The following HCRTR1 variants were observed in gnomAD, a reference collection of about 807,000 sequenced individuals.
HCRTR1 encodes orexin/Hypocretin receptor type 1.
HCRTR1 carries 28 observed loss-of-function variants against 40.6 expected under a neutral mutation model. That is an observed-to-expected ratio of 0.69 (90% CI 0.51 to 0.95). The LOEUF is 0.95. HCRTR1 is among the 40% of genes least tolerant of loss of function. HCRTR1 has a pLI of 0.00. For synonymous variants in HCRTR1, 209 were observed against 230.0 expected, an observed-to-expected ratio of 0.91 and a Z score of 0.83; for missense variants, 482 against 564.7, an observed-to-expected ratio of 0.85 and a Z score of 1.48.
Position 31,627,303 on chromosome 1 carries a change from C to G in HCRTR1, c.*323C>G, listed in dbSNP as rs140494243. On this transcript the variant is annotated 3_prime_UTR_variant, in exon 9 of 9. Transcript: ENST00000403528. Reference sequence around the variant, plus strand: ...GAGCTTGGTCATCCTCCTAAAGACCCCTTTCCTACCCAATTACAGGCCTTC... The same window carrying G: ...GAGCTTGGTCATCCTCCTAAAGACCGCTTTCCTACCCAATTACAGGCCTTC... 4 of 1,338,140 alleles carry G rather than the reference C, an allele frequency of 3.0e-6. No individual in the cohort carries two copies. The highest frequency in any genetic ancestry group is 4.7e-5 in the Admixed American group (2 of 42,766). 82.9% of individuals were successfully genotyped at this position (1,338,140 alleles called of 1,614,324 possible).
At chr1:31,632,407 C>T (rs1287930389), downstream of HCRTR1, 1 of 1,599,324 alleles carries the variant, frequency 6.3e-7, no homozygotes, top group Non-Finnish European at 8.6e-7. Flanking sequence ...CATTCGGTAA[C>T]AAGAGGAAAC....
At position 31,621,055 on chromosome 1, in the gene HCRTR1, G is replaced by T; in HGVS notation, c.591G>T (p.Arg197=). 6.2e-7 allele frequency: 1 copy of T among 1,610,548 alleles called. No homozygotes were observed. Residue 197 remains arginine, a synonymous_variant, in exon 5 of 9, where the codon CGG becomes CGT. Coordinates refer to ENST00000403528, the MANE Select transcript of HCRTR1 (RefSeq NM_001525.3). The part of the protein sequence containing the change: ...SVLPELANRT[R]LFSVCDERWA... ...TGCCTGAGCTAGCCAACCGCACACG[G>T]CTCTTCTCAGTCTGTGATGAACGCT...
chr1:31,619,217 G>A lies in HCRTR1; in HGVS notation c.25G>A (p.Ala9Thr). 1.9e-6 allele frequency: 3 copies of A among 1,612,586 alleles called. No homozygotes were observed. The highest frequency in any genetic ancestry group is 1.3e-5 in the African/African-American group (1 of 75,064). MEPSATPG[A>T]QMGVPPGSRE... ...CATGGAGCCCTCAGCCACCCCAGGGGCCCAGATGGGGGTCCCCCCTGGCAG... is the reference window on the plus strand; with the variant it reads ...CATGGAGCCCTCAGCCACCCCAGGGACCCAGATGGGGGTCCCCCCTGGCAG... Residue 9 changes from alanine to threonine, a missense_variant, in exon 3 of 9, where the codon GCC (alanine) becomes ACC (threonine). Ala to Thr is a moderately conservative substitution (Grantham distance 58). Transcript: ENST00000403528.
chr1:31,618,973 C>T (rs745687549), intron 2 of HCRTR1, 78 bp from the exon 3 acceptor site: 69 of 571,690 alleles, frequency 1.2e-4, no homozygotes, highest in Non-Finnish European at 1.2e-4. Flanking sequence ...GGAACTTATA[C>T]GCAAAGCGCC....
downstream of HCRTR1, chr1:31,632,531 G>A (rs751533337): frequency 1.5e-5 from 24 of 1,614,110 alleles, no homozygotes; most frequent in East Asian, 4.5e-5. Context: ...GAGCCCGAGC[G>A]GTCCCGGTCA....
chr1:31,619,452 G>A, intron 3 of HCRTR1, 61 bp downstream of exon 3: 1 of 1,612,332 alleles, frequency 6.2e-7, no homozygotes, highest in South Asian at 1.1e-5. Context: ...AGGGGGTTGT[G>A]TGGGAGGAGG....
At chr1:31,629,473 C>T (rs891649648), downstream of HCRTR1, among the ~76,000 whole-genome samples, 1 of 152,128 alleles carries the variant, frequency 6.6e-6, no homozygotes, top group African/African-American at 2.4e-5. Context: ...CTTGCAAGTA[C>T]AGATGTCTGT....
At position 31,623,682 on chromosome 1, in the gene HCRTR1, C is replaced by CTGA. The variant is rs1457774948; in HGVS notation, c.901_903dup (p.Met301dup). On this transcript the variant is annotated inframe_insertion, in exon 7 of 9. Transcript: ENST00000403528. Reference sequence around the variant, plus strand: ...TGCACGGAGGAAGACAGCCAAGATGCTGATGGTGGTGCTGCTGGTCTTCGC... The same window carrying CTGA: ...TGCACGGAGGAAGACAGCCAAGATGCTGATGATGGTGGTGCTGCTGGTCTTCGC... 1 of 1,614,070 alleles carries CTGA rather than the reference C, an allele frequency of 6.2e-7. No individual in the cohort carries two copies. Among genetic ancestry groups the CTGA allele is most frequent in the Non-Finnish European group, 8.5e-7 (1 of 1,180,052 alleles).
rs77382281 is a variant in HCRTR1, at chr1:31,623,729, C to T, written c.945C>T (p.Ser315=). The T allele has an allele frequency of 7.4e-4, 1,196 of 1,613,940 alleles. 7 individuals are homozygous for T. In the African/African-American group the frequency reaches 0.014, roughly 19 times the overall value. The change falls in exon 7 of 9, where the codon AGC becomes AGT. Residue 315 remains serine, a synonymous_variant. Coordinates refer to ENST00000403528, the MANE Select transcript of HCRTR1 (RefSeq NM_001525.3). ...TCGCCCTCTGCTACCTGCCCATCAGCGTCCTCAATGTCCTTAAGAGGTGAG... is the reference window on the plus strand; with the variant it reads ...TCGCCCTCTGCTACCTGCCCATCAGTGTCCTCAATGTCCTTAAGAGGTGAG... ...LVFALCYLPI[S]VLNVLKRVFG...
At chr1:31,630,267 A>G, downstream of HCRTR1, 1 of 336,606 alleles carries the variant, frequency 3.0e-6, no homozygotes, top group Non-Finnish European at 5.7e-6. Flanking sequence ...GCCGATGAAC[A>G]CTCACCACTG....
At chr1:31,620,008 A>T (rs1031433806) in intron 4 of HCRTR1, among the ~76,000 whole-genome samples, 30 of 152,316 alleles carry the variant, frequency 2.0e-4, no homozygotes, top group Admixed American at 5.2e-4. Flanking sequence ...AGTCAAGGAG[A>T]GAGGCAACAG....
rs12063775 is a variant in HCRTR1 at position 31,625,668 on chromosome 1, C to A, written c.1087+550C>A. 0.075 allele frequency among the ~76,000 whole-genome samples: 11,466 copies of A among 152,116 alleles called. 538 individuals carry two copies. Among genetic ancestry groups the A allele is most frequent in the African/African-American group, 0.13 (5,244 of 41,466 alleles). On this transcript the variant is annotated intron_variant, in intron 8 of 8. Coordinates refer to ENST00000403528, the MANE Select transcript of HCRTR1 (RefSeq NM_001525.3). This position sits in a 1 kb window ranked among gnomAD's most constrained non-coding sequence, Gnocchi z 4.2. ...CTCTGGAAGTCTTCCTCCCCTGCCACCCCCACTCCCACTCCAGGCCTCTCC... is the reference window on the plus strand; with the variant it reads ...CTCTGGAAGTCTTCCTCCCCTGCCAACCCCACTCCCACTCCAGGCCTCTCC...
chr1:31,630,607 G>T (rs367988776), downstream of HCRTR1: 1 of 1,611,804 alleles, frequency 6.2e-7, no homozygotes, highest in Non-Finnish European at 8.5e-7. Context: ...TCCACAGATG[G>T]TTGGGTCATA....
chr1:31,626,647 C>A lies in HCRTR1; in HGVS notation c.1088-143C>A, dbSNP rs1639982065. ...TGGCGGTGCCGAGGTTGCCTCAGGG[C>A]TCTCCCTCCCAGCTCTATCCCTCCC... On this transcript the variant is annotated intron_variant, in intron 8 of 8. Coordinates refer to ENST00000403528, the MANE Select transcript of HCRTR1 (RefSeq NM_001525.3). This position sits in a 1 kb window ranked among gnomAD's most constrained non-coding sequence, Gnocchi z 4.6. 4 of 1,336,870 alleles carry A rather than the reference C, an allele frequency of 3.0e-6. No individual in the cohort carries two copies. The highest frequency in any genetic ancestry group is 4.0e-6 in the Non-Finnish European group (4 of 1,004,486). 82.8% of individuals were successfully genotyped at this position (1,336,870 alleles called of 1,614,324 possible). A position where few individuals can be genotyped will look rare whatever the true frequency, so the allele number is the denominator to read the frequency against.
Position 31,625,147 on chromosome 1 carries a change from GA to G in HCRTR1, c.1087+30del. ...AGCAGGCTGGGGATGCAAAATGACT[GA>G]GGGTGGCCAACAGTCCACATGACAA... is the stretch of plus-strand genomic sequence containing the variant. On this transcript the variant is annotated intron_variant, in intron 8 of 8. Transcript: ENST00000403528. This position sits in a 1 kb window ranked among gnomAD's most constrained non-coding sequence, Gnocchi z 4.2. The G allele has an allele frequency of 6.3e-7, 1 of 1,574,808 alleles. No individual in the cohort carries two copies.
chr1:31,619,958 G>A (rs950711415), intron 4 of HCRTR1, among the ~76,000 whole-genome samples: 12 of 152,146 alleles, frequency 7.9e-5, no homozygotes, highest in Admixed American at 2.0e-4. Flanking sequence ...ACATAGACAC[G>A]TGTGGACATG....
downstream of HCRTR1, chr1:31,632,228 A>C: frequency 1.6e-6 from 1 of 637,586 alleles, no homozygotes; most frequent in Non-Finnish European, 2.8e-6. Flanking sequence ...TTCCATCCTT[A>C]AGGCTCCCTG....
intron 1 of HCRTR1, among the ~76,000 whole-genome samples, chr1:31,618,299 C>T (rs955208765): frequency 3.3e-5 from 5 of 152,134 alleles, no homozygotes; most frequent in African/African-American, 7.2e-5. Flanking sequence ...ACCCGCGCGC[C>T]GGAACAGCGG....
downstream of HCRTR1, chr1:31,630,745 G>A (rs1477939457): frequency 2.5e-6 from 4 of 1,614,066 alleles, no homozygotes; most frequent in Non-Finnish European, 3.4e-6. Context: ...GGATGAAGCG[G>A]TCAAGCTGCA....
Sources: allele counts gnomAD v4.1 joint callset (sites outside exome capture counted in the v4.1 genomes callset), GRCh38; gene constraint gnomAD v4.1.1; non-coding constraint Gnocchi (gnomAD v3.1); transcripts MANE v1.5; gene names NCBI Gene and HGNC (gene_info 2026-07-23, HGNC 2026-07-21).